The following MFSD6 variants were observed in gnomAD, a reference collection of about 807,000 sequenced individuals.
The protein encoded by MFSD6 is major facilitator superfamily domain containing 6, also known as major facilitator superfamily domain-containing protein 6.
In MFSD6, 26 loss-of-function variants were observed where a neutral mutation model predicts 56.3. The observed-to-expected ratio is 0.46, with a 90% CI of 0.34 to 0.64. MFSD6 has a LOEUF of 0.64. Among genes scored for constraint, MFSD6 ranks in the 30% least tolerant of loss-of-function variants. The pLI, the probability that MFSD6 is intolerant of heterozygous loss-of-function variation, is 0.01. For missense variants in MFSD6, 750 were observed against 986.2 expected, an observed-to-expected ratio of 0.76 and a Z score of 3.21; for synonymous variants, 331 against 366.9, an observed-to-expected ratio of 0.90 and a Z score of 1.12.
rs1429100049 is a variant in MFSD6, at chr2:190,437,517, A to G, written c.1488A>G (p.Ala496=). The change falls in exon 3 of 8, where the codon GCA becomes GCG. Residue 496 remains alanine (A), a synonymous_variant. Coordinates refer to ENST00000392328, the MANE Select transcript of MFSD6 (RefSeq NM_017694.4). The surrounding 1 kb of genome is among the most constrained non-coding windows in gnomAD (Gnocchi z 5.9). The part of the protein sequence containing the change: ...SVLSHVSELT[A]YFFSHKLIEL... ...TGAGTCATGTGTCTGAGCTGACAGC[A>G]TATTTTTTTAGTCACAAGCTTATTG... 3 of 1,614,128 alleles carry G rather than the reference A, an allele frequency of 1.9e-6. No homozygotes were observed. The highest frequency in any genetic ancestry group is 1.1e-5 in the South Asian group (1 of 91,076).
Position 190,467,567 on chromosome 2 carries a change from C to T in MFSD6, c.1533-2191C>T, listed in dbSNP as rs1019879213. On this transcript the variant is annotated intron_variant, in intron 3 of 7. Transcript: ENST00000392328. This position sits in a 1 kb window ranked among gnomAD's most constrained non-coding sequence, Gnocchi z 5.5. ...GGCGGAGGTTTCAGTGAGCCGAGAT[C>T]GTGCCACTGCTCTCTAGCCTCGGCA... 1.3e-5 allele frequency among the ~76,000 whole-genome samples: 2 copies of T among 151,988 alleles called. No homozygotes were observed. The highest frequency in any genetic ancestry group is 6.6e-5 in the Admixed American group (1 of 15,262).
At chr2:190,432,716 C>T (rs1431362124) in intron 2 of MFSD6, among the ~76,000 whole-genome samples, 3 of 152,102 alleles carry the variant, frequency 2.0e-5, no homozygotes, top group East Asian at 3.9e-4. Context: ...CGCACCTGGC[C>T]AAAATCTCTG....
intron 4 of MFSD6, among the ~76,000 whole-genome samples, chr2:190,470,946 C>G (rs1687886443): frequency 6.6e-6 from 1 of 151,844 alleles, no homozygotes; most frequent in South Asian, 2.1e-4. Flanking sequence ...AGATTTGATG[C>G]AATGGTGTAG....
In MFSD6 at chr2:190,413,566, C is replaced by T. The variant is rs992884871; in HGVS notation, c.-175-1726C>T. On this transcript the variant is annotated intron_variant, in intron 1 of 7. Coordinates refer to ENST00000392328, the MANE Select transcript of MFSD6 (RefSeq NM_017694.4). The surrounding 1 kb of genome is among the most constrained non-coding windows in gnomAD (Gnocchi z 4.1). ...GGGGAAAGACAGGGAAAGACAGGGA[C>T]ACTATGAATCAGCAGTGGGCAGAGT... Among the ~76,000 whole-genome samples the T allele has an allele frequency of 1.1e-4, 17 of 151,896 alleles. No individual in the cohort carries two copies. The highest frequency in any genetic ancestry group is 3.6e-4 in the African/African-American group (15 of 41,328).
At chr2:190,421,393 G>T (rs1452845886) in intron 2 of MFSD6, among the ~76,000 whole-genome samples, 1 of 152,114 alleles carries the variant, frequency 6.6e-6, no homozygotes, top group Non-Finnish European at 1.5e-5. Flanking sequence ...AATGTCGTTT[G>T]TAAAGACAAA....
At position 190,439,019 on chromosome 2, in the gene MFSD6, C is replaced by T. The variant is rs1686276912; in HGVS notation, c.1532+1458C>T. ...GTGGATATTTCCTGGACCCACAGAACCCCTGAGGCACATTTTGTAAGACCA... is the reference window on the plus strand; with the variant it reads ...GTGGATATTTCCTGGACCCACAGAATCCCTGAGGCACATTTTGTAAGACCA... On this transcript the variant is annotated intron_variant, in intron 3 of 7. Coordinates refer to ENST00000392328, the MANE Select transcript of MFSD6 (RefSeq NM_017694.4). This position sits in a 1 kb window ranked among gnomAD's most constrained non-coding sequence, Gnocchi z 5.8. Among the ~76,000 whole-genome samples the T allele has an allele frequency of 6.6e-6, 1 of 152,052 alleles. No individual in the cohort carries two copies. The highest frequency in any genetic ancestry group is 2.4e-5 in the African/African-American group (1 of 41,406).
rs1017978153 is a variant in MFSD6 at position 190,494,541 on chromosome 2, A to G, written c.1892-2898A>G. The stretch of plus-strand genomic sequence containing the variant: ...TAATAACAAAACCAGGAAAGGACAT[A>G]ACAAAAAAAGAAAACTACAGACCAA... On this transcript the variant is annotated intron_variant, in intron 6 of 7. Coordinates refer to ENST00000392328, the MANE Select transcript of MFSD6 (RefSeq NM_017694.4). The surrounding 1 kb of genome is among the most constrained non-coding windows in gnomAD (Gnocchi z 5.7). 6.6e-6 allele frequency among the ~76,000 whole-genome samples: 1 copy of G among 152,172 alleles called. No individual in the cohort carries two copies. Among genetic ancestry groups the G allele is most frequent in the Non-Finnish European group, 1.5e-5 (1 of 68,012 alleles).
At position 190,425,444 on chromosome 2, in the gene MFSD6, T is replaced by C. The variant is rs978507541; in HGVS notation, c.-54+10031T>C. On this transcript the variant is annotated intron_variant, in intron 2 of 7. Transcript: ENST00000392328. This position sits in a 1 kb window ranked among gnomAD's most constrained non-coding sequence, Gnocchi z 4.3. ...AGAAAAAGCATTCAGTCTTTCACCATTAAGTGCAGTGTTACCCATGGGTTT... is the reference window on the plus strand; with the variant it reads ...AGAAAAAGCATTCAGTCTTTCACCACTAAGTGCAGTGTTACCCATGGGTTT... Among the ~76,000 whole-genome samples the C allele has an allele frequency of 6.6e-6, 1 of 152,222 alleles. No homozygotes were observed. Among genetic ancestry groups the C allele is most frequent in the Non-Finnish European group, 1.5e-5 (1 of 68,036 alleles).
intron 3 of MFSD6, among the ~76,000 whole-genome samples, chr2:190,441,547 A>G (rs1686378448): frequency 6.6e-6 from 1 of 152,048 alleles, no homozygotes; most frequent in Admixed American, 6.5e-5. Flanking sequence ...ATGTTTGTGT[A>G]AGATTTGGAG....
chr2:190,441,974 C>CT (rs1275965226), intron 3 of MFSD6, among the ~76,000 whole-genome samples: 1 of 152,142 alleles, frequency 6.6e-6, no homozygotes, highest in Non-Finnish European at 1.5e-5. Flanking sequence ...CTCTTCACTA[C>CT]TTACAAAGAC....
At chr2:190,493,165 T>G (rs899162088) in intron 6 of MFSD6, among the ~76,000 whole-genome samples, 3 of 151,740 alleles carry the variant, frequency 2.0e-5, no homozygotes, top group Non-Finnish European at 4.4e-5. Context: ...CTCACATAAA[T>G]TTAAGGTAAA....
At chr2:190,448,128 G>A (rs1686649288) in intron 3 of MFSD6, among the ~76,000 whole-genome samples, 1 of 152,142 alleles carries the variant, frequency 6.6e-6, no homozygotes, top group Non-Finnish European at 1.5e-5. Flanking sequence ...ATTGCAGACT[G>A]CCCTTAGACT....
At position 190,409,429 on chromosome 2, in the gene MFSD6, G is replaced by A. The variant is rs557915064; in HGVS notation, c.-176+926G>A. 3.3e-5 allele frequency among the ~76,000 whole-genome samples: 5 copies of A among 152,176 alleles called. No homozygotes were observed. In the South Asian group the frequency reaches 1.0e-3, roughly 32 times the overall value. On this transcript the variant is annotated intron_variant, in intron 1 of 7. Coordinates refer to ENST00000392328, the MANE Select transcript of MFSD6 (RefSeq NM_017694.4). ...CATATAATACCTTGCTTATTAGTGT[G>A]CAAAAGACTTAAAGAGTTGGGGTTC...
At position 190,467,589 on chromosome 2, in the gene MFSD6, G is replaced by A. The variant is rs1434935511; in HGVS notation, c.1533-2169G>A. Among the ~76,000 whole-genome samples, 3 of 152,044 alleles carry A rather than the reference G, an allele frequency of 2.0e-5. No homozygotes were observed. Among genetic ancestry groups the A allele is most frequent in the Non-Finnish European group, 2.9e-5 (2 of 67,998 alleles). On this transcript the variant is annotated intron_variant, in intron 3 of 7. Transcript: ENST00000392328. The surrounding 1 kb of genome is among the most constrained non-coding windows in gnomAD (Gnocchi z 5.5). ...GATCGTGCCACTGCTCTCTAGCCTC[G>A]GCAACAGAGCGAGACTCTGTCTCAA... is the stretch of plus-strand genomic sequence containing the variant.
In MFSD6 at chr2:190,461,747, A is replaced by G. The variant is rs1000636753; in HGVS notation, c.1533-8011A>G. ...ATGACTTAATCACCTCCTTCATACTATCATCACATTGGTGAATTAGTTTCA... is the reference window on the plus strand; with the variant it reads ...ATGACTTAATCACCTCCTTCATACTGTCATCACATTGGTGAATTAGTTTCA... On this transcript the variant is annotated intron_variant, in intron 3 of 7. Coordinates refer to ENST00000392328, the MANE Select transcript of MFSD6 (RefSeq NM_017694.4). This position sits in a 1 kb window ranked among gnomAD's most constrained non-coding sequence, Gnocchi z 5.5. Among the ~76,000 whole-genome samples the G allele has an allele frequency of 6.6e-6, 1 of 152,146 alleles. No homozygotes were observed. Among genetic ancestry groups the G allele is most frequent in the African/African-American group, 2.4e-5 (1 of 41,436 alleles).
intron 2 of MFSD6, among the ~76,000 whole-genome samples, chr2:190,428,436 G>A (rs1575827394): frequency 6.6e-6 from 1 of 152,156 alleles, no homozygotes; most frequent in Non-Finnish European, 1.5e-5. Flanking sequence ...GAGAGTTCTA[G>A]TTGCTCCACA....
At position 190,500,350 on chromosome 2, in the gene MFSD6, CATT is replaced by C. The variant is rs936842014; in HGVS notation, c.*134_*136del. Reference sequence around the variant, plus strand: ...GCATATGCTTCTAAATATCTAAACTCATTAACATGGAAACACACACACAGGAGC... The same window carrying C: ...GCATATGCTTCTAAATATCTAAACTCAACATGGAAACACACACACAGGAGC... On this transcript the variant is annotated 3_prime_UTR_variant, in exon 8 of 8. Transcript: ENST00000392328. This position sits in a 1 kb window ranked among gnomAD's most constrained non-coding sequence, Gnocchi z 5.3. 6 of 899,018 alleles carry C rather than the reference CATT, an allele frequency of 6.7e-6. No homozygotes were observed. The highest frequency in any genetic ancestry group is 1.7e-5 in the African/African-American group (1 of 59,848). The allele number at this position is 899,018 out of a possible 1,614,324, so 55.7% of individuals were successfully genotyped here. A position where few individuals can be genotyped will look rare whatever the true frequency, so the allele number is the denominator to read the frequency against.
rs1686625315 is a variant in MFSD6 at position 190,447,461 on chromosome 2, G to A, written c.1532+9900G>A. On this transcript the variant is annotated intron_variant, in intron 3 of 7. Coordinates refer to ENST00000392328, the MANE Select transcript of MFSD6 (RefSeq NM_017694.4). The surrounding 1 kb of genome is among the most constrained non-coding windows in gnomAD (Gnocchi z 4.5). ...CTGCTAAGTCCTCTGCTAATATATG[G>A]AGGACACATAGGCCCTATCTTATAC... Among the ~76,000 whole-genome samples the A allele has an allele frequency of 6.6e-6, 1 of 152,076 alleles. No individual in the cohort carries two copies. The highest frequency in any genetic ancestry group is 2.1e-4 in the South Asian group (1 of 4,832).
In MFSD6 at chr2:190,417,586, T is replaced by C. The variant is rs1182960385; in HGVS notation, c.-54+2173T>C. On this transcript the variant is annotated intron_variant, in intron 2 of 7. Coordinates refer to ENST00000392328, the MANE Select transcript of MFSD6 (RefSeq NM_017694.4). This position sits in a 1 kb window ranked among gnomAD's most constrained non-coding sequence, Gnocchi z 5.7. ...TTGGTTGTTCAAATGAATGTCTTTT[T>C]TTCAGTATAATTCCATTGTATTTTG... Among the ~76,000 whole-genome samples the C allele has an allele frequency of 6.6e-6, 1 of 152,168 alleles. No individual in the cohort carries two copies. Among genetic ancestry groups the C allele is most frequent in the Non-Finnish European group, 1.5e-5 (1 of 68,026 alleles).
Sources: allele counts gnomAD v4.1 joint callset (sites outside exome capture counted in the v4.1 genomes callset), GRCh38; gene constraint gnomAD v4.1.1; non-coding constraint Gnocchi (gnomAD v3.1); transcripts MANE v1.5; gene names NCBI Gene and HGNC (gene_info 2026-07-23, HGNC 2026-07-21).